The following TIAM2 variants were observed in gnomAD, a reference collection of about 807,000 sequenced individuals.
TIAM2 encodes the protein TIAM Rac1 associated GEF 2.
In TIAM2, 80 loss-of-function variants were observed where a neutral mutation model predicts 152.9. The observed-to-expected ratio is 0.52, with a 90% CI of 0.44 to 0.63. The LOEUF (loss-of-function observed/expected upper bound fraction) is 0.63, where lower values mean the gene tolerates loss of function less well. TIAM2 is among the 30% of genes least tolerant of loss of function. TIAM2 has a pLI of 0.00. For missense variants in TIAM2, 1,965 were observed against 2,120.1 expected (o/e 0.93, Z 1.44); for synonymous variants, 804 against 838.0 (o/e 0.96, Z 0.70).
intron 1 of TIAM2, among the ~76,000 whole-genome samples, chr6:155,086,204 C>T (rs962137636): frequency 3.9e-5 from 6 of 152,184 alleles, no homozygotes; most frequent in African/African-American, 1.2e-4. Flanking sequence ...TTCTTGGAAC[C>T]AGTAACTTGT....
intron 15 of TIAM2, among the ~76,000 whole-genome samples, chr6:155,219,392 G>A (rs1194333645): frequency 6.6e-6 from 1 of 152,120 alleles, no homozygotes; most frequent in East Asian, 1.9e-4. Context: ...CAGCCGAGGA[G>A]GGCTTGCAGA....
At chr6:155,102,888 ACACC>A (rs1278402949) in intron 2 of TIAM2, among the ~76,000 whole-genome samples, 6 of 152,000 alleles carry the variant, frequency 3.9e-5, no homozygotes, top group Non-Finnish European at 7.4e-5. Flanking sequence ...TGTATAGTGA[ACACC>A]CATAAACCCA....
chr6:155,172,402 CA>C (rs111691865), intron 9 of TIAM2, among the ~76,000 whole-genome samples: 15,465 of 151,060 alleles, frequency 0.1, 875 homozygotes, highest in Middle Eastern at 0.17. Context: ...CCTCAGCTTC[CA>C]AAAAAAATCT....
intron 7 of TIAM2, among the ~76,000 whole-genome samples, chr6:155,161,712 C>T (rs1381657634): frequency 6.0e-5 from 9 of 150,246 alleles, no homozygotes; most frequent in African/African-American, 2.0e-4. Flanking sequence ...GGATTACAGG[C>T]GTGTGCCACC....
chr6:155,005,107 C>T, intron 1 of TIAM2: 1 of 270,182 alleles, frequency 3.7e-6, no homozygotes, highest in Non-Finnish European at 7.4e-6. Context: ...GGTCAGGTTG[C>T]CCAAGGCAAG....
At chr6:155,173,307 C>T (rs77091019) in intron 9 of TIAM2, among the ~76,000 whole-genome samples, 3 of 151,888 alleles carry the variant, frequency 2.0e-5, no homozygotes, top group East Asian at 3.9e-4. Flanking sequence ...CTTTGATAGG[C>T]GTCTTCTCTT....
chr6:155,020,391 GT>G (rs1444006075), intron 1 of TIAM2, among the ~76,000 whole-genome samples: 1 of 152,106 alleles, frequency 6.6e-6, no homozygotes, highest in African/African-American at 2.4e-5. Context: ...TATAAACATT[GT>G]CCCCCTTTTT....
intron 9 of TIAM2, chr6:155,168,928 T>A: frequency 6.6e-7 from 1 of 1,526,258 alleles, no homozygotes; most frequent in Non-Finnish European, 8.7e-7. Flanking sequence ...TAAACTTTGC[T>A]ATAGATGGCC....
intron 1 of TIAM2, among the ~76,000 whole-genome samples, chr6:155,065,203 C>T (rs939661399): frequency 6.6e-6 from 1 of 152,126 alleles, no homozygotes; most frequent in African/African-American, 2.4e-5. Flanking sequence ...ATCTGCCCAC[C>T]TCGGCCTCCC....
At position 155,253,968 on chromosome 6, in the gene TIAM2, C is replaced by T; in HGVS notation, c.4226-5C>T. On this transcript the variant is annotated splice_polypyrimidine_tract_variant and splice_region_variant and intron_variant, in intron 24 of 26. Transcript: ENST00000682666. The stretch of plus-strand genomic sequence containing the variant: ...AGACTCTTGTTTCCATTTCCTTTTA[C>T]ATAGGGACAGAAAATAATTCCATAT... The T allele has an allele frequency of 6.2e-7, 1 of 1,610,722 alleles. No homozygotes were observed. Among genetic ancestry groups the T allele is most frequent in the Non-Finnish European group, 8.5e-7 (1 of 1,178,704 alleles).
chr6:155,238,766 T>C (rs938116374), intron 15 of TIAM2, among the ~76,000 whole-genome samples: 1 of 152,266 alleles, frequency 6.6e-6, no homozygotes, highest in Non-Finnish European at 1.5e-5. Context: ...TGATTCCAGA[T>C]TGCCTTAGGC....
intron 15 of TIAM2, chr6:155,217,101 A>G (rs1172725868): frequency 7.8e-7 from 1 of 1,289,518 alleles, no homozygotes; most frequent in African/African-American, 1.5e-5. Context: ...GTAAGTAAAC[A>G]AGGGCTTTGA....
rs147168411 is a variant in TIAM2 at position 155,087,473 on chromosome 6, G to T, written c.-208-2816G>T. ...ATTTGAAAATATTTTTTTCGGCTGG[G>T]TGCAGTGGCTCACGCCTGTAATTCC... On this transcript the variant is annotated intron_variant, in intron 1 of 26. Transcript: ENST00000682666. 4.3e-4 allele frequency among the ~76,000 whole-genome samples: 65 copies of T among 152,248 alleles called. 1 individual carries two copies. Among genetic ancestry groups the T allele is most frequent in the African/African-American group, 1.5e-3 (64 of 41,546 alleles).
intron 1 of TIAM2, among the ~76,000 whole-genome samples, chr6:155,047,708 A>AGAGAGAGAGAGAGAGAGAG (rs1777223404): frequency 1.1e-5 from 1 of 92,570 alleles, no homozygotes; most frequent in Non-Finnish European, 2.3e-5. Flanking sequence ...AGAGAGAGCG[A>AGAGAGAGAGAGAGAGAGAG]GAGAGAGAGA....
chr6:154,997,264 C>A (rs1351184342), intron 1 of TIAM2, among the ~76,000 whole-genome samples: 1 of 152,154 alleles, frequency 6.6e-6, no homozygotes, highest in African/African-American at 2.4e-5. Flanking sequence ...GCTTTTCTTC[C>A]TTATCCGTAG....
At chr6:155,066,486 G>A (rs1438202865) in intron 1 of TIAM2, among the ~76,000 whole-genome samples, 1 of 152,152 alleles carries the variant, frequency 6.6e-6, no homozygotes. Context: ...ATGTGTGTTC[G>A]TACAAACTTT....
At chr6:155,011,541 C>T (rs868797685) in intron 1 of TIAM2, among the ~76,000 whole-genome samples, 5 of 151,320 alleles carry the variant, frequency 3.3e-5, no homozygotes, top group African/African-American at 1.2e-4. Flanking sequence ...ACACTTCCTT[C>T]GGTCATATTG....
At chr6:155,146,834 G>A (rs939657192) in intron 6 of TIAM2, among the ~76,000 whole-genome samples, 4 of 149,672 alleles carry the variant, frequency 2.7e-5, no homozygotes, top group Non-Finnish European at 5.9e-5. Flanking sequence ...GGCCAGGCTG[G>A]TTTCGAACTC....
intron 1 of TIAM2, among the ~76,000 whole-genome samples, chr6:155,089,972 A>C (rs73573738): frequency 6.6e-6 from 1 of 151,716 alleles, no homozygotes; most frequent in Non-Finnish European, 1.5e-5. Context: ...CCATCCATCT[A>C]TCCATCTCCT....
Sources: allele counts gnomAD v4.1 joint callset (sites outside exome capture counted in the v4.1 genomes callset), GRCh38; gene constraint gnomAD v4.1.1; transcripts MANE v1.5; gene names NCBI Gene and HGNC (gene_info 2026-07-23, HGNC 2026-07-21).